Variants in GGPS1 observed in about 807,000 individuals in gnomAD.
GGPS1 encodes geranylgeranyl pyrophosphate synthase.
GGPS1 carries 15 observed loss-of-function variants against 28.1 expected under a neutral mutation model. The observed-to-expected ratio is 0.53, with a 90% CI of 0.36 to 0.82. The LOEUF (loss-of-function observed/expected upper bound fraction) is 0.82. GGPS1 is among the 40% of genes least tolerant of loss of function. The probability of loss-of-function intolerance (pLI) is 0.01; values close to 1 mark genes in which losing one functional copy is unlikely to be tolerated. For missense variants in GGPS1, 284 were observed against 348.3 expected, an observed-to-expected ratio of 0.82 and a Z score of 1.47; for synonymous variants, 138 against 122.4, an observed-to-expected ratio of 1.13 and a Z score of -0.84.
chr1:235,341,055 C>T (rs1163144261), intron 2 of GGPS1, among the ~76,000 whole-genome samples: 2 of 152,116 alleles, frequency 1.3e-5, no homozygotes, highest in Non-Finnish European at 2.9e-5. Context: ...CTTGGCCTGG[C>T]GCAGTGGCTC....
chr1:235,339,235 G>A (rs1675957312), intron 2 of GGPS1, among the ~76,000 whole-genome samples: 1 of 151,900 alleles, frequency 6.6e-6, no homozygotes, highest in Non-Finnish European at 1.5e-5. Flanking sequence ...GGAGGTGGAG[G>A]TTGCAGTGAG....
rs1283811815 is a variant in GGPS1, at chr1:235,331,572, G to GT, written c.-24+2795dup. On this transcript the variant is annotated intron_variant, in intron 1 of 3. Transcript: ENST00000282841. Reference sequence around the variant, plus strand: ...TATGATCTCTGAGAATTTGTATGTTGTAAGTCTTTGTGGCAGTGTATACAT... The same window carrying GT: ...TATGATCTCTGAGAATTTGTATGTTGTTAAGTCTTTGTGGCAGTGTATACAT... Among the ~76,000 whole-genome samples the GT allele has an allele frequency of 3.3e-5, 5 of 150,970 alleles. No individual in the cohort carries two copies. In the East Asian group the frequency reaches 7.7e-4, roughly 23 times the overall value.
intron 1 of GGPS1, chr1:235,330,159 C>G (rs1675662434): frequency 6.6e-6 from 1 of 152,124 alleles, no homozygotes; most frequent in African/African-American, 2.4e-5. Flanking sequence ...AGAGTATATG[C>G]CACGGTGTGT....
chr1:235,331,857 G>A (rs775113739), intron 1 of GGPS1, among the ~76,000 whole-genome samples: 4 of 152,040 alleles, frequency 2.6e-5, no homozygotes, highest in African/African-American at 4.8e-5. Flanking sequence ...CATATTATAC[G>A]TCTCATTTCA....
rs1036100433 is a variant in GGPS1 at position 235,343,409 on chromosome 1, G to A, written c.*637G>A. On this transcript the variant is annotated 3_prime_UTR_variant, in exon 4 of 4. Transcript: ENST00000282841. ...TACTAAAAATACAAAAAATTAGCTG[G>A]GCGTGGTGGTGGGCGCCTGTAGTCC... The A allele has an allele frequency of 6.4e-6, 1 of 157,374 alleles. No individual in the cohort carries two copies. The highest frequency in any genetic ancestry group is 1.5e-5 in the Non-Finnish European group (1 of 68,150). 9.7% of individuals were successfully genotyped at this position (157,374 alleles called of 1,614,324 possible).
chr1:235,328,476 A>G (rs1409835447), upstream of GGPS1: 1 of 149,510 alleles, frequency 6.7e-6, no homozygotes, highest in Non-Finnish European at 1.5e-5. Context: ...AAGGCCCGCA[A>G]TGCCCTGCGC....
Position 235,343,517 on chromosome 1 carries a change from CT to C in GGPS1, c.*746del, listed in dbSNP as rs1314194093. The C allele has an allele frequency of 6.0e-6, 1 of 166,598 alleles. No individual in the cohort carries two copies. The highest frequency in any genetic ancestry group is 1.5e-5 in the Non-Finnish European group (1 of 68,224). The allele number at this position is 166,598 out of a possible 1,614,324, so 10.3% of individuals were successfully genotyped here. On this transcript the variant is annotated 3_prime_UTR_variant, in exon 4 of 4. Coordinates refer to ENST00000282841, the MANE Select transcript of GGPS1 (RefSeq NM_004837.4). Reference sequence around the variant, plus strand: ...AGTGAGCCGAGATAGTGCCTCTGCACTCCAGCCTGGGTGACAGAGCGAGACT... The same window carrying C: ...AGTGAGCCGAGATAGTGCCTCTGCACCCAGCCTGGGTGACAGAGCGAGACT...
At position 235,341,009 on chromosome 1, in the gene GGPS1, A is replaced by C. The variant is rs529051266; in HGVS notation, c.71-699A>C. Among the ~76,000 whole-genome samples the C allele has an allele frequency of 2.5e-4, 38 of 152,260 alleles. No homozygotes were observed. The South Asian group carries it at 7.9e-3, about 32-fold the overall frequency. ...TTAACAGTACCTATAGTTATGTAAA[A>C]TAGGTAGTGCCAATTAACTGACACT... On this transcript the variant is annotated intron_variant, in intron 2 of 3. Coordinates refer to ENST00000282841, the MANE Select transcript of GGPS1 (RefSeq NM_004837.4).
chr1:235,335,309 C>G lies in GGPS1; in HGVS notation c.45C>G (p.Pro15=). 6.5e-7 allele frequency: 1 copy of G among 1,542,262 alleles called. No homozygotes were observed. The highest frequency in any genetic ancestry group is 1.1e-5 in the South Asian group (1 of 88,940). The change falls in exon 2 of 4, where the codon CCC becomes CCG. Residue 15 remains proline, a synonymous_variant. Transcript: ENST00000282841. ...CAGTCCAAAGAATTCTTCTAGAACC[C>G]TATAAATACTTACTTCAGTTACCAG... ...QETVQRILLE[P]YKYLLQLPGK...
intron 1 of GGPS1, among the ~76,000 whole-genome samples, chr1:235,332,809 T>G (rs2103340398): frequency 6.6e-6 from 1 of 152,222 alleles, no homozygotes; most frequent in Admixed American, 6.5e-5. Context: ...TAGTATCAGG[T>G]GACTGGGCTA....
At position 235,344,182 on chromosome 1, in the gene GGPS1, TATTTG is replaced by T; in HGVS notation, c.*1416_*1420del. ...AAAAAAAAAAAAAAGCTGATTTCAA[TATTTG>T]ATTTGTTGACATCCCAAAATGAAAG... is the stretch of plus-strand genomic sequence containing the variant. On this transcript the variant is annotated 3_prime_UTR_variant, in exon 4 of 4. Coordinates refer to ENST00000282841, the MANE Select transcript of GGPS1 (RefSeq NM_004837.4). 1 of 162,684 alleles carries T rather than the reference TATTTG, an allele frequency of 6.1e-6. No homozygotes were observed. The allele number at this position is 162,684 out of a possible 1,614,324, so 10.1% of individuals were successfully genotyped here. A position where few individuals can be genotyped will look rare whatever the true frequency, so the allele number is the denominator to read the frequency against.
intron 2 of GGPS1, among the ~76,000 whole-genome samples, chr1:235,337,491 A>G (rs1056078135): frequency 1.3e-5 from 2 of 152,336 alleles, no homozygotes; most frequent in Middle Eastern, 3.4e-3. Flanking sequence ...ATGACATTGC[A>G]CTATGCACAT....
chr1:235,336,315 TG>T (rs1675860982), intron 2 of GGPS1, among the ~76,000 whole-genome samples: 1 of 152,056 alleles, frequency 6.6e-6, no homozygotes, highest in South Asian at 2.1e-4. Context: ...CACCTGAACC[TG>T]GAAGGCAGAG....
At chr1:235,331,374 T>A (rs1242460208) in intron 1 of GGPS1, among the ~76,000 whole-genome samples, 1 of 152,230 alleles carries the variant, frequency 6.6e-6, no homozygotes, top group African/African-American at 2.4e-5. Context: ...ACACTAGTTT[T>A]GTGCTTTAAT....
At chr1:235,331,474 T>G (rs1007056907) in intron 1 of GGPS1, among the ~76,000 whole-genome samples, 1 of 152,226 alleles carries the variant, frequency 6.6e-6, no homozygotes, top group Non-Finnish European at 1.5e-5. Flanking sequence ...ATTTGTCTGC[T>G]TGGCATTAAA....
intron 2 of GGPS1, among the ~76,000 whole-genome samples, chr1:235,340,691 G>A (rs551738354): frequency 2.5e-5 from 3 of 121,464 alleles, no homozygotes; most frequent in Admixed American, 2.1e-4. Context: ...AGCCGAGATC[G>A]CGCCACTGCA....
At chr1:235,335,515 C>A (rs1036025514) in intron 2 of GGPS1, among the ~76,000 whole-genome samples, 181 bp downstream of exon 2, 3 of 151,956 alleles carry the variant, frequency 2.0e-5, no homozygotes, top group African/African-American at 7.3e-5. Context: ...TAATTTTTGC[C>A]AGGTGCAGTG....
rs763731127 is a variant in GGPS1 at position 235,342,810 on chromosome 1, T to C, written c.*38T>C. The C allele has an allele frequency of 3.6e-6, 5 of 1,404,758 alleles. 1 individual carries two copies. The highest frequency in any genetic ancestry group is 2.3e-5 in the Admixed American group (1 of 43,440). 87.0% of individuals were successfully genotyped at this position (1,404,758 alleles called of 1,614,324 possible). A position where few individuals can be genotyped will look rare whatever the true frequency, so the allele number is the denominator to read the frequency against. The stretch of plus-strand genomic sequence containing the variant: ...CTTGATTGGACCTCATAGCTTATTT[T>C]AGTTAATCTTTTTTTTGTCTTTTAG... On this transcript the variant is annotated 3_prime_UTR_variant, in exon 4 of 4. Transcript: ENST00000282841.
At chr1:235,329,451 TAGG>T (rs1193155261) in intron 1 of GGPS1, 2 of 152,172 alleles carry the variant, frequency 1.3e-5, no homozygotes, top group African/African-American at 4.8e-5. Context: ...TCCACGGTGA[TAGG>T]AGAATGAGGG....
Sources: gnomAD v4.1 joint callset for allele counts (sites outside exome capture counted in the v4.1 genomes callset) on GRCh38, gnomAD v4.1.1 for gene constraint, MANE v1.5 for transcripts, NCBI Gene and HGNC (gene_info 2026-07-23, HGNC 2026-07-21) for gene names.